OGG1: variants seen among roughly 807,000 people sequenced by gnomAD.
OGG1 encodes the protein 8-oxoguanine DNA glycosylase, also known as N-glycosylase/DNA lyase.
OGG1 carries 35 observed loss-of-function variants against 42.3 expected under a neutral mutation model. The ratio of observed to expected loss-of-function variants is 0.83; its 90% CI spans 0.63 to 1.10. The LOEUF (loss-of-function observed/expected upper bound fraction) is 1.10. Ranked by LOEUF, OGG1 falls within the 50% of genes least tolerant of loss-of-function variation. OGG1 has a pLI of 0.00. For synonymous variants in OGG1, 189 were observed against 179.0 expected, an observed-to-expected ratio of 1.06 and a Z score of -0.44; for missense variants, 484 against 446.7, an observed-to-expected ratio of 1.08 and a Z score of -0.75.
At chr3:9,760,635 A>T (rs910996592), downstream of OGG1, 4 of 1,613,286 alleles carry the variant, frequency 2.5e-6, no homozygotes. Flanking sequence ...GCCCAGGGGA[A>T]AAAAGCAAAG....
chr3:9,762,033 T>C, downstream of OGG1: 1 of 343,492 alleles, frequency 2.9e-6, no homozygotes, highest in Non-Finnish European at 5.5e-6. Flanking sequence ...TGCCAGACCC[T>C]GGATTAGTGC....
chr3:9,780,161 C>A, intron 2 of OGG1: 1 of 529,586 alleles, frequency 1.9e-6, no homozygotes, highest in Non-Finnish European at 3.3e-6. Context: ...AGGCCTCAGG[C>A]TAGCCCAGCA....
At chr3:9,787,526 A>G in intron 3 of OGG1, 1 of 999,594 alleles carries the variant, frequency 1.0e-6, no homozygotes, top group Non-Finnish European at 1.4e-6. Context: ...TAAGGGAGAC[A>G]GGTCCAAAAA....
At chr3:9,787,703 G>T in intron 3 of OGG1, 1 of 1,319,574 alleles carries the variant, frequency 7.6e-7, no homozygotes, top group Non-Finnish European at 9.9e-7. Flanking sequence ...TGAATTTACT[G>T]CTGTCTGTAT....
chr3:9,775,500 A>G (rs1160355296), intron 2 of OGG1, among the ~76,000 whole-genome samples: 2 of 152,132 alleles, frequency 1.3e-5, no homozygotes, highest in Admixed American at 1.3e-4. Flanking sequence ...TCCAGCCTCT[A>G]TGCTGCTCTG....
At chr3:9,766,285 T>C in exon 8 of OGG1, 1 of 701,860 alleles carries the variant, frequency 1.4e-6, no homozygotes. Flanking sequence ...CTGATAACAT[T>C]ATGTGGCCCT....
chr3:9,773,379 A>G (rs112395326), intron 2 of OGG1, among the ~76,000 whole-genome samples: 3,839 of 152,086 alleles, frequency 0.025, 145 homozygotes, highest in African/African-American at 0.088. Flanking sequence ...ATTTCTACTA[A>G]AGATACAAAA....
At chr3:9,761,290 G>T (rs1219071276), downstream of OGG1, 4 of 688,606 alleles carry the variant, frequency 5.8e-6, no homozygotes, top group Non-Finnish European at 9.5e-6. Context: ...GCTTGGCACA[G>T]TGCTTGAAAC....
exon 8 of OGG1, chr3:9,766,646 C>A: frequency 9.5e-7 from 1 of 1,055,122 alleles, no homozygotes; most frequent in South Asian, 2.7e-5. Context: ...ACTCATTTAA[C>A]TAAAGTTAAC....
chr3:9,790,253 C>G (rs1313358285), downstream of OGG1, among the ~76,000 whole-genome samples: 3 of 152,228 alleles, frequency 2.0e-5, no homozygotes, highest in Admixed American at 1.3e-4. Context: ...GAAGAGTCCT[C>G]TCAGCAAACC....
chr3:9,781,297 A>T (rs1028510841), intron 2 of OGG1, among the ~76,000 whole-genome samples: 5 of 152,086 alleles, frequency 3.3e-5, no homozygotes, highest in Non-Finnish European at 7.3e-5. Flanking sequence ...ATATATATAT[A>T]CATACACACA....
At chr3:9,767,623 A>C, downstream of OGG1, 1 of 1,611,718 alleles carries the variant, frequency 6.2e-7, no homozygotes, top group Non-Finnish European at 8.5e-7. Context: ...CCCTGGACTC[A>C]GCCTCCCTCA....
At chr3:9,780,394 T>G in intron 2 of OGG1, 6 of 1,613,232 alleles carry the variant, frequency 3.7e-6, no homozygotes, top group Non-Finnish European at 5.1e-6. Flanking sequence ...CTCACGCTCC[T>G]TCAGAGTCTT....
downstream of OGG1, among the ~76,000 whole-genome samples, chr3:9,790,630 A>G (rs538284483): frequency 3.9e-5 from 6 of 152,378 alleles, no homozygotes; most frequent in East Asian, 1.2e-3. Context: ...TATGCAGTGA[A>G]TAAAGTCATC....
chr3:9,776,642 G>T (rs2078369927), intron 2 of OGG1, among the ~76,000 whole-genome samples: 1 of 152,132 alleles, frequency 6.6e-6, no homozygotes, highest in South Asian at 2.1e-4. Flanking sequence ...GCCCGCCTCG[G>T]CCTCCCAAAG....
chr3:9,774,425 A>T (rs867838638), intron 2 of OGG1, among the ~76,000 whole-genome samples: 1 of 139,198 alleles, frequency 7.2e-6, no homozygotes, highest in Non-Finnish European at 1.6e-5. Context: ...AAAAAAAAAA[A>T]AAACAAAACT....
intron 3 of OGG1, among the ~76,000 whole-genome samples, chr3:9,782,472 C>T (rs1263952694): frequency 6.6e-6 from 1 of 152,212 alleles, no homozygotes; most frequent in Non-Finnish European, 1.5e-5. Context: ...CCTCAGCATA[C>T]ATTAGTCACT....
At chr3:9,752,055 C>T (rs1426178166) in intron 3 of OGG1, 106 bp downstream of exon 3, 2 of 1,121,594 alleles carry the variant, frequency 1.8e-6, no homozygotes, top group Non-Finnish European at 2.6e-6. Flanking sequence ...CAAACACTTC[C>T]CCTATCCAGA....
chr3:9,763,426 C>A (rs566999829), intron 7 of OGG1, among the ~76,000 whole-genome samples: 3 of 149,318 alleles, frequency 2.0e-5, no homozygotes, highest in Non-Finnish European at 1.5e-5. Flanking sequence ...AAAAAAACAG[C>A]GGTTTAGAGC....
Sources: allele counts gnomAD v4.1 joint callset (sites outside exome capture counted in the v4.1 genomes callset), GRCh38; gene constraint gnomAD v4.1.1; transcripts MANE v1.5; gene names NCBI Gene and HGNC (gene_info 2026-07-23, HGNC 2026-07-21).